The following CNTNAP2 variants were observed in gnomAD, a reference collection of about 807,000 sequenced individuals.
CNTNAP2 encodes the protein contactin associated protein 2, also known as contactin-associated protein-like 2.
Under a neutral mutation model 155.2 loss-of-function variants are expected in CNTNAP2, and 98 were observed. The observed-to-expected ratio is 0.63, with a 90% CI of 0.54 to 0.75. CNTNAP2 has a LOEUF of 0.75. CNTNAP2 is among the 30% of genes least tolerant of loss of function. The pLI is 0.00. For synonymous variants in CNTNAP2, 651 were observed against 631.2 expected (o/e 1.03, Z -0.47); for missense variants, 1,727 against 1,688.1 (o/e 1.02, Z -0.40).
chr7:147,709,132 C>T (rs879593848), intron 13 of CNTNAP2, among the ~76,000 whole-genome samples: 26 of 152,110 alleles, frequency 1.7e-4, no homozygotes, highest in African/African-American at 6.3e-4. Flanking sequence ...GTTTTCAAAC[C>T]AAGGTTACGC....
chr7:148,165,781 C>T (rs1488489011), intron 17 of CNTNAP2, among the ~76,000 whole-genome samples: 1 of 151,952 alleles, frequency 6.6e-6, no homozygotes, highest in Non-Finnish European at 1.5e-5. Flanking sequence ...TTGTGCCTGG[C>T]ATCATCGTGC....
chr7:148,240,736 T>A (rs1350103144), intron 20 of CNTNAP2, among the ~76,000 whole-genome samples: 1 of 152,184 alleles, frequency 6.6e-6, no homozygotes, highest in Non-Finnish European at 1.5e-5. Flanking sequence ...GCCAGTCAGA[T>A]TCCTAAAACC....
intron 1 of CNTNAP2, among the ~76,000 whole-genome samples, chr7:146,301,597 G>A (rs544484576): frequency 6.6e-6 from 1 of 152,166 alleles, no homozygotes; most frequent in South Asian, 2.1e-4. Flanking sequence ...CTGCACTCCA[G>A]CCTGGGTGAC....
intron 1 of CNTNAP2, among the ~76,000 whole-genome samples, chr7:146,568,357 T>A (rs1217440268): frequency 3.3e-5 from 5 of 152,210 alleles, no homozygotes; most frequent in Admixed American, 3.3e-4. Flanking sequence ...TTTCTGTTAT[T>A]CTCTTAATTT....
intron 1 of CNTNAP2, among the ~76,000 whole-genome samples, chr7:146,623,527 A>T (rs1040370730): frequency 1.3e-5 from 2 of 152,198 alleles, no homozygotes; most frequent in African/African-American, 2.4e-5. Context: ...AAAATACTTA[A>T]CTTTCACAGA....
chr7:147,494,879 G>C (rs996915766), intron 11 of CNTNAP2, among the ~76,000 whole-genome samples: 1 of 152,024 alleles, frequency 6.6e-6, no homozygotes, highest in Non-Finnish European at 1.5e-5. Context: ...AACTGTGTTT[G>C]GTTTCCATTT....
At chr7:146,401,065 A>G (rs548312066) in intron 1 of CNTNAP2, among the ~76,000 whole-genome samples, 1 of 152,298 alleles carries the variant, frequency 6.6e-6, no homozygotes, top group African/African-American at 2.4e-5. Context: ...AAGTTACGAA[A>G]AGGGCTATAG....
intron 8 of CNTNAP2, among the ~76,000 whole-genome samples, chr7:147,291,540 A>G (rs1466030011): frequency 6.6e-6 from 1 of 152,144 alleles, no homozygotes; most frequent in Non-Finnish European, 1.5e-5. Flanking sequence ...GTTTGAATAT[A>G]TACTGTATGT....
At chr7:146,821,810 A>T (rs1179998070) in intron 2 of CNTNAP2, among the ~76,000 whole-genome samples, 1 of 151,760 alleles carries the variant, frequency 6.6e-6, no homozygotes, top group East Asian at 1.9e-4. Flanking sequence ...ATCATTAAAA[A>T]GTCAGGAAAA....
chr7:146,195,902 G>T (rs960729784), intron 1 of CNTNAP2, among the ~76,000 whole-genome samples: 1 of 152,196 alleles, frequency 6.6e-6, no homozygotes, highest in Non-Finnish European at 1.5e-5. Context: ...AAACATGTAA[G>T]TCAAACTCCC....
intron 8 of CNTNAP2, among the ~76,000 whole-genome samples, chr7:147,197,212 C>T (rs995423827): frequency 6.6e-6 from 1 of 152,064 alleles, no homozygotes; most frequent in East Asian, 1.9e-4. Context: ...AGACTAGTTG[C>T]ACAGGCCACT....
intron 13 of CNTNAP2, among the ~76,000 whole-genome samples, chr7:147,788,579 T>C (rs1190691397): frequency 1.3e-5 from 2 of 152,200 alleles, no homozygotes; most frequent in African/African-American, 4.8e-5. Flanking sequence ...TTATCTTCAT[T>C]CCCTAGGCCT....
intron 2 of CNTNAP2, among the ~76,000 whole-genome samples, chr7:146,805,303 G>T (rs1473615823): frequency 6.6e-6 from 1 of 152,168 alleles, no homozygotes; most frequent in Admixed American, 6.5e-5. Context: ...AGAAATAGCT[G>T]ATGTAAACTT....
intron 3 of CNTNAP2, among the ~76,000 whole-genome samples, chr7:146,928,076 T>G (rs1308817997): frequency 6.6e-6 from 1 of 151,892 alleles, no homozygotes; most frequent in Non-Finnish European, 1.5e-5. Context: ...CTGCCTGGGC[T>G]GGCTACTCCT....
chr7:147,503,777 C>T (rs923795433), intron 11 of CNTNAP2, among the ~76,000 whole-genome samples: 8 of 151,716 alleles, frequency 5.3e-5, no homozygotes, highest in African/African-American at 1.9e-4. Context: ...GTGTTTTACC[C>T]ACAGTTTTTT....
At chr7:146,631,569 G>T (rs1410518991) in intron 1 of CNTNAP2, among the ~76,000 whole-genome samples, 1 of 152,094 alleles carries the variant, frequency 6.6e-6, no homozygotes, top group Admixed American at 6.5e-5. Flanking sequence ...TTCTTCACTT[G>T]TTCTTTACAA....
At chr7:148,000,185 C>A (rs1397056401) in intron 15 of CNTNAP2, among the ~76,000 whole-genome samples, 1 of 152,110 alleles carries the variant, frequency 6.6e-6, no homozygotes. Context: ...GGACACCCAC[C>A]GCTCCCCTGC....
At chr7:146,131,280 C>G (rs553295383) in intron 1 of CNTNAP2, among the ~76,000 whole-genome samples, 2 of 152,130 alleles carry the variant, frequency 1.3e-5, no homozygotes, top group African/African-American at 4.8e-5. Context: ...ATTGTTAATA[C>G]ATTGAGATAG....
chr7:148,365,375 G>C (rs2116626079), intron 21 of CNTNAP2, among the ~76,000 whole-genome samples: 1 of 152,224 alleles, frequency 6.6e-6, no homozygotes, highest in East Asian at 1.9e-4. Context: ...TAATATTACT[G>C]TCTAGCAGGC....
Sources: gnomAD v4.1 joint callset for allele counts (sites outside exome capture counted in the v4.1 genomes callset) on GRCh38, gnomAD v4.1.1 for gene constraint, MANE v1.5 for transcripts, NCBI Gene and HGNC (gene_info 2026-07-23, HGNC 2026-07-21) for gene names.